MCTP1: variants seen among roughly 807,000 people sequenced by gnomAD.
MCTP1 encodes the protein multiple C2 and transmembrane domain containing 1.
A neutral mutation model predicts 120.6 loss-of-function variants in MCTP1; 69 were observed. The ratio of observed to expected loss-of-function variants is 0.57; its 90% CI spans 0.47 to 0.70. The LOEUF is 0.70. Among genes scored for constraint, MCTP1 ranks in the 30% least tolerant of loss-of-function variants. The pLI is 0.00. For synonymous variants in MCTP1, 529 were observed against 493.1 expected, an observed-to-expected ratio of 1.07 and a Z score of -0.96; for missense variants, 1,203 against 1,248.8, an observed-to-expected ratio of 0.96 and a Z score of 0.55.
intron 2 of MCTP1, among the ~76,000 whole-genome samples, chr5:94,966,087 G>GA (rs1488291228): frequency 6.6e-6 from 1 of 152,110 alleles, no homozygotes; most frequent in Admixed American, 6.6e-5. Flanking sequence ...CTTTGAGTTG[G>GA]AAAAAGCATA....
intron 19 of MCTP1, among the ~76,000 whole-genome samples, chr5:94,752,108 A>AATATATATATATATATATGTATAT (rs1768529787): frequency 1.3e-5 from 1 of 75,756 alleles, no homozygotes; most frequent in Admixed American, 1.5e-4. Context: ...TAAATAATAA[A>AATATATATATATATATATGTATAT]ATATATATAT....
chr5:95,264,401 C>T (rs1304749761), intron 1 of MCTP1, among the ~76,000 whole-genome samples: 1 of 152,186 alleles, frequency 6.6e-6, no homozygotes, highest in African/African-American at 2.4e-5. Flanking sequence ...ACTCTATGCT[C>T]GTTTTATATT....
chr5:95,253,531 C>G (rs1757587934), intron 1 of MCTP1, among the ~76,000 whole-genome samples: 3 of 152,030 alleles, frequency 2.0e-5, no homozygotes, highest in Admixed American at 2.0e-4. Context: ...CTTATATTAA[C>G]CTTCCACAGT....
chr5:95,268,989 G>A (rs1013321062), intron 1 of MCTP1, among the ~76,000 whole-genome samples: 2 of 152,174 alleles, frequency 1.3e-5, no homozygotes, highest in East Asian at 3.8e-4. Context: ...TTGAGTTTTG[G>A]AGCCAGTTCT....
At chr5:95,222,985 C>A (rs1753848381) in intron 1 of MCTP1, among the ~76,000 whole-genome samples, 1 of 152,196 alleles carries the variant, frequency 6.6e-6, no homozygotes, top group Admixed American at 6.5e-5. Flanking sequence ...TGAAGGCAGT[C>A]CTTTGGAGAT....
intron 1 of MCTP1, among the ~76,000 whole-genome samples, chr5:95,212,947 C>T (rs1340826769): frequency 6.6e-6 from 1 of 152,126 alleles, no homozygotes; most frequent in East Asian, 1.9e-4. Flanking sequence ...CCTTTGAAAA[C>T]CGGCACAAGA....
chr5:94,864,810 G>A (rs1200176728), intron 17 of MCTP1, among the ~76,000 whole-genome samples: 1 of 151,800 alleles, frequency 6.6e-6, no homozygotes, highest in Admixed American at 6.6e-5. Context: ...AATTATTTTT[G>A]TGCTCATTAC....
chr5:94,905,265 G>GT (rs149179553), intron 10 of MCTP1, among the ~76,000 whole-genome samples: 3,109 of 152,314 alleles, frequency 0.02, 100 homozygotes, highest in African/African-American at 0.071. Context: ...GAAGTTCATA[G>GT]TAGACAAGCA....
chr5:95,048,107 A>G (rs1745015445), intron 1 of MCTP1, among the ~76,000 whole-genome samples: 1 of 152,190 alleles, frequency 6.6e-6, no homozygotes. Context: ...AATTGCTTTT[A>G]CTCTCTAACA....
intron 1 of MCTP1, among the ~76,000 whole-genome samples, chr5:95,037,334 A>T (rs1051926118): frequency 2.6e-5 from 4 of 152,212 alleles, no homozygotes; most frequent in Admixed American, 2.0e-4. Context: ...GCAAATGCTT[A>T]GGAAAAAGCA....
At chr5:95,166,122 C>T (rs1746316121) in intron 1 of MCTP1, 1 of 152,168 alleles carries the variant, frequency 6.6e-6, no homozygotes, top group Non-Finnish European at 1.5e-5. Context: ...TAGAAGGTTA[C>T]CTCTTGCTCC....
At chr5:94,859,146 G>A (rs1795256007) in intron 17 of MCTP1, among the ~76,000 whole-genome samples, 1 of 151,672 alleles carries the variant, frequency 6.6e-6, no homozygotes, top group South Asian at 2.1e-4. Context: ...CTGATACTCT[G>A]AGAATTAAAA....
At chr5:94,847,276 C>T (rs988689795) in intron 17 of MCTP1, among the ~76,000 whole-genome samples, 2 of 152,112 alleles carry the variant, frequency 1.3e-5, no homozygotes, top group South Asian at 2.1e-4. Flanking sequence ...CTGGCTCTTA[C>T]GTTCTGACTA....
At chr5:95,004,459 AT>A (rs2153641792) in intron 2 of MCTP1, among the ~76,000 whole-genome samples, 2 of 152,322 alleles carry the variant, frequency 1.3e-5, no homozygotes, top group African/African-American at 2.4e-5. Context: ...CCTCCAAGGC[AT>A]TTCAGACGTC....
At chr5:95,035,112 A>C (rs2347478) in intron 1 of MCTP1, among the ~76,000 whole-genome samples, 106,102 of 151,878 alleles carry the variant, frequency 0.7, 39,537 homozygotes, top group Non-Finnish European at 0.86. Flanking sequence ...ACACTCATAC[A>C]CTGTTGGTGG....
chr5:94,783,703 T>C (rs1180392617), intron 18 of MCTP1, among the ~76,000 whole-genome samples: 3 of 152,106 alleles, frequency 2.0e-5, no homozygotes, highest in African/African-American at 7.2e-5. Flanking sequence ...TTAAGGTATA[T>C]GTTTAATATG....
intron 17 of MCTP1, among the ~76,000 whole-genome samples, chr5:94,854,832 T>C (rs537866700): frequency 1.2e-4 from 18 of 151,974 alleles, no homozygotes; most frequent in Non-Finnish European, 1.3e-4. Flanking sequence ...AAAGAGTATA[T>C]AAAGCTATGA....
intron 1 of MCTP1, among the ~76,000 whole-genome samples, chr5:95,282,164 G>A (rs1294463415): frequency 6.6e-6 from 1 of 152,184 alleles, no homozygotes; most frequent in African/African-American, 2.4e-5. Flanking sequence ...ATCTTCTCCA[G>A]AATAAGTTTA....
chr5:95,141,970 G>A (rs1405124100), intron 1 of MCTP1, among the ~76,000 whole-genome samples: 2 of 152,098 alleles, frequency 1.3e-5, no homozygotes, highest in African/African-American at 4.8e-5. Context: ...ACAATGACAA[G>A]TCATCTACTA....
Sources: gnomAD v4.1 joint callset for allele counts (sites outside exome capture counted in the v4.1 genomes callset) on GRCh38, gnomAD v4.1.1 for gene constraint, MANE v1.5 for transcripts, NCBI Gene and HGNC (gene_info 2026-07-23, HGNC 2026-07-21) for gene names.